The following GLT1D1 variants were observed in gnomAD, a reference collection of about 807,000 sequenced individuals.
GLT1D1 encodes the protein glycosyltransferase 1 domain-containing protein 1.
GLT1D1 carries 21 observed loss-of-function variants against 28.7 expected under a neutral mutation model. That is an observed-to-expected ratio of 0.73 (90% CI 0.52 to 1.05). The LOEUF (loss-of-function observed/expected upper bound fraction) is 1.05, where lower values mean the gene tolerates loss of function less well. GLT1D1 is among the 50% of genes least tolerant of loss of function. GLT1D1 has a pLI of 0.00. For synonymous variants in GLT1D1, 147 were observed against 124.8 expected (o/e 1.18, Z -1.19); for missense variants, 343 against 330.6 (o/e 1.04, Z -0.29).
chr12:128,970,068 C>T (rs891504730), intron 7 of GLT1D1, among the ~76,000 whole-genome samples: 1 of 152,200 alleles, frequency 6.6e-6, no homozygotes, highest in African/African-American at 2.4e-5. Context: ...ATCAAAACAA[C>T]GCTGCTGTAG....
chr12:128,889,009 T>G (rs1868718411), intron 3 of GLT1D1, among the ~76,000 whole-genome samples: 1 of 152,178 alleles, frequency 6.6e-6, no homozygotes, highest in Non-Finnish European at 1.5e-5. Flanking sequence ...CCAGGCATAG[T>G]GAGGCACGCC....
chr12:128,924,089 A>G (rs539725326), intron 4 of GLT1D1, among the ~76,000 whole-genome samples: 1 of 152,226 alleles, frequency 6.6e-6, no homozygotes, highest in East Asian at 1.9e-4. Context: ...GCATGAGCTC[A>G]TAATGTGTCC....
intron 7 of GLT1D1, among the ~76,000 whole-genome samples, chr12:128,961,667 G>C (rs183125663): frequency 1.1e-4 from 17 of 152,304 alleles, no homozygotes; most frequent in Admixed American, 9.8e-4. Flanking sequence ...GAAGCAGGAA[G>C]ATTCCCCTTT....
chr12:128,866,298 T>C (rs1956515704), intron 1 of GLT1D1, among the ~76,000 whole-genome samples: 1 of 150,480 alleles, frequency 6.6e-6, no homozygotes, highest in African/African-American at 2.5e-5. Context: ...CTCGATCTCC[T>C]GACCTCGTGA....
At chr12:128,898,656 G>A (rs1431983389) in intron 3 of GLT1D1, among the ~76,000 whole-genome samples, 1 of 152,180 alleles carries the variant, frequency 6.6e-6, no homozygotes, top group Non-Finnish European at 1.5e-5. Context: ...TCCCATCTAA[G>A]AATGTGCTCC....
intron 7 of GLT1D1, among the ~76,000 whole-genome samples, chr12:128,979,177 G>A (rs1880084040): frequency 1.3e-5 from 2 of 152,224 alleles, no homozygotes; most frequent in Non-Finnish European, 2.9e-5. Flanking sequence ...TGGGTCAAAC[G>A]TTGGCAGGGG....
chr12:128,922,355 G>A (rs1872739775), intron 4 of GLT1D1, among the ~76,000 whole-genome samples: 1 of 152,156 alleles, frequency 6.6e-6, no homozygotes, highest in Non-Finnish European at 1.5e-5. Context: ...ACTTTCACTT[G>A]CAAATTTTAG....
chr12:128,916,457 C>T, intron 4 of GLT1D1, among the ~76,000 whole-genome samples: 1 of 152,196 alleles, frequency 6.6e-6, no homozygotes. Flanking sequence ...GGTGTGCCAT[C>T]TTACACTTCC....
chr12:128,943,020 T>G (rs1177214112), intron 4 of GLT1D1, among the ~76,000 whole-genome samples: 1 of 152,178 alleles, frequency 6.6e-6, no homozygotes, highest in Non-Finnish European at 1.5e-5. Flanking sequence ...GTGCTGGGAT[T>G]ATAGGCGTGA....
intron 6 of GLT1D1, among the ~76,000 whole-genome samples, chr12:128,948,936 C>T (rs1163903413): frequency 6.6e-6 from 1 of 152,186 alleles, no homozygotes; most frequent in Non-Finnish European, 1.5e-5. Flanking sequence ...CATGAATCTG[C>T]TGTTAGGTGC....
chr12:128,981,543 T>C (rs1304657684), intron 7 of GLT1D1, among the ~76,000 whole-genome samples: 4 of 152,228 alleles, frequency 2.6e-5, no homozygotes, highest in Non-Finnish European at 4.4e-5. Flanking sequence ...TCTATAAACA[T>C]ATAATTCTAC....
intron 4 of GLT1D1, among the ~76,000 whole-genome samples, chr12:128,904,437 A>AG (rs778538513): frequency 3.3e-5 from 5 of 151,534 alleles, no homozygotes; most frequent in Non-Finnish European, 5.9e-5. Flanking sequence ...TAGAATTTGG[A>AG]GGGGGAAAAA....
intron 4 of GLT1D1, among the ~76,000 whole-genome samples, chr12:128,926,137 C>T (rs2135915311): frequency 6.6e-6 from 1 of 151,260 alleles, no homozygotes; most frequent in Admixed American, 6.6e-5. Flanking sequence ...TTGCAGTGAG[C>T]CGAGCCGAGA....
intron 1 of GLT1D1, among the ~76,000 whole-genome samples, chr12:128,866,882 A>G (rs1956541981): frequency 6.6e-6 from 1 of 151,326 alleles, no homozygotes; most frequent in South Asian, 2.1e-4. Context: ...CGGCCTCCCA[A>G]AGTGCTGGGA....
At chr12:128,953,799 G>A (rs553154195) in intron 6 of GLT1D1, among the ~76,000 whole-genome samples, 1 of 151,442 alleles carries the variant, frequency 6.6e-6, no homozygotes, top group African/African-American at 2.4e-5. Flanking sequence ...AGGCTGGAGT[G>A]CAGTGACGCA....
At chr12:128,874,572 C>T (rs1340896933) in intron 1 of GLT1D1, among the ~76,000 whole-genome samples, 2 of 150,302 alleles carry the variant, frequency 1.3e-5, no homozygotes, top group East Asian at 4.0e-4. Context: ...GCCTCGACCT[C>T]ATAGGCTCAA....
chr12:128,926,386 A>G (rs955801232), intron 4 of GLT1D1: 3 of 1,529,314 alleles, frequency 2.0e-6, no homozygotes, highest in Admixed American at 3.9e-5. Flanking sequence ...GATAATTTGC[A>G]CATATTTCTT....
chr12:128,900,439 C>T (rs1179563786), intron 4 of GLT1D1, among the ~76,000 whole-genome samples: 2 of 152,160 alleles, frequency 1.3e-5, no homozygotes, highest in Non-Finnish European at 2.9e-5. Flanking sequence ...TGGTCTCTTC[C>T]GAAAGCTCGG....
intron 1 of GLT1D1, chr12:128,864,163 C>G: frequency 1.5e-6 from 1 of 685,560 alleles, no homozygotes; most frequent in Middle Eastern, 2.3e-4. Context: ...TGCGAGGTGC[C>G]TGTCAGACGA....
Sources: gnomAD v4.1 joint callset for allele counts (sites outside exome capture counted in the v4.1 genomes callset) on GRCh38, gnomAD v4.1.1 for gene constraint, MANE v1.5 for transcripts, NCBI Gene and HGNC (gene_info 2026-07-23, HGNC 2026-07-21) for gene names.